PDZD8: variants seen among roughly 807,000 people sequenced by gnomAD.
PDZD8 encodes PDZ domain-containing protein 8.
A neutral mutation model predicts 85.8 loss-of-function variants in PDZD8; 14 were observed. The ratio of observed to expected loss-of-function variants is 0.16; its 90% CI spans 0.11 to 0.26. PDZD8 has a LOEUF of 0.26. Ranked by LOEUF, PDZD8 falls within the 10% of genes least tolerant of loss-of-function variation. The probability of loss-of-function intolerance (pLI) is 1.00; values close to 1 mark genes in which losing one functional copy is unlikely to be tolerated. For synonymous variants in PDZD8, 592 were observed against 568.6 expected, an observed-to-expected ratio of 1.04 and a Z score of -0.59; for missense variants, 1,197 against 1,424.3, an observed-to-expected ratio of 0.84 and a Z score of 2.57.
Position 117,374,227 on chromosome 10 carries a change from T to C in PDZD8, c.872+129A>G, listed in dbSNP as rs368410004. ...CGACTCGCCTTGATCTGGGGCCCTG[T>C]CCAGGGTGGGAAGGCCCCAGAAGCA... On this transcript the variant is annotated intron_variant, in intron 1 of 4. Transcript: ENST00000334464. This position sits in a 1 kb window ranked among gnomAD's most constrained non-coding sequence, Gnocchi z 7.8. 7.2e-7 allele frequency: 1 copy of C among 1,392,814 alleles called. No homozygotes were observed. The allele number at this position is 1,392,814 out of a possible 1,614,324, so 86.3% of individuals were successfully genotyped here. A position where few individuals can be genotyped will look rare whatever the true frequency, so the allele number is the denominator to read the frequency against.
At chr10:117,313,939 T>C (rs74159177) in intron 3 of PDZD8, among the ~76,000 whole-genome samples, 1 of 152,170 alleles carries the variant, frequency 6.6e-6, no homozygotes, top group African/African-American at 2.4e-5. Flanking sequence ...CCCCATACTT[T>C]CAGATCTCTC....
At chr10:117,371,692 T>C (rs1224437910) in intron 1 of PDZD8, among the ~76,000 whole-genome samples, 1 of 152,162 alleles carries the variant, frequency 6.6e-6, no homozygotes, top group Non-Finnish European at 1.5e-5. Context: ...CCCAGCACTT[T>C]GGGAGGCTGA....
Position 117,285,411 on chromosome 10 carries a change from A to G in PDZD8, c.1322T>C (p.Val441Ala). The G allele has an allele frequency of 6.2e-7, 1 of 1,613,066 alleles. No individual in the cohort carries two copies. The highest frequency in any genetic ancestry group is 8.5e-7 in the Non-Finnish European group (1 of 1,179,140). Residue 441 changes from valine (V) to alanine (A), a missense_variant, in exon 5 of 5, where the codon GTC (valine) becomes GCC (alanine). This residue lies in a region of PDZD8 where 344 missense variants were observed against 453.6 expected (regional missense o/e 0.76). Transcript: ENST00000334464. Reference sequence around the variant, plus strand: ...AACAGGCCTTTCATAGTACACCAGGACTCGGTCACCAGCCTGCTTGATAAG... The same window carrying G: ...AACAGGCCTTTCATAGTACACCAGGGCTCGGTCACCAGCCTGCTTGATAAG... The part of the protein sequence containing the change: ...LKLIKQAGDR[V>A]LVYYERPVGQ...
intron 2 of PDZD8, among the ~76,000 whole-genome samples, chr10:117,327,571 C>G (rs1844339377): frequency 1.3e-5 from 2 of 152,144 alleles, no homozygotes; most frequent in African/African-American, 4.8e-5. Flanking sequence ...TTCCACCTTA[C>G]CAAACCTACT....
intron 3 of PDZD8, among the ~76,000 whole-genome samples, chr10:117,294,327 C>CAAA (rs71013656): frequency 1.5e-3 from 215 of 142,516 alleles, no homozygotes; most frequent in African/African-American, 5.3e-3. Flanking sequence ...ACCAAAAAGA[C>CAAA]AAAAAAAAAA....
Position 117,344,477 on chromosome 10 carries a change from G to A in PDZD8, c.873-3375C>T, listed in dbSNP as rs371503226. ...ATCTCGGCTCACTGCAAGCTCTACCGCCTGGGTTCACGCCATTCTCCTGCC... is the reference window on the plus strand; with the variant it reads ...ATCTCGGCTCACTGCAAGCTCTACCACCTGGGTTCACGCCATTCTCCTGCC... On this transcript the variant is annotated intron_variant, in intron 1 of 4. Coordinates refer to ENST00000334464, the MANE Select transcript of PDZD8 (RefSeq NM_173791.5). Among the ~76,000 whole-genome samples the A allele has an allele frequency of 4.3e-4, 65 of 152,188 alleles. No individual in the cohort carries two copies. The East Asian group carries it at 6.6e-3, about 15-fold the overall frequency.
chr10:117,349,638 AC>A (rs1444961725), intron 1 of PDZD8, among the ~76,000 whole-genome samples: 1 of 152,080 alleles, frequency 6.6e-6, no homozygotes, highest in Admixed American at 6.5e-5. Flanking sequence ...CCCCATTTCT[AC>A]AAAAAATACA....
chr10:117,359,501 G>A (rs1411620218), intron 1 of PDZD8, among the ~76,000 whole-genome samples: 1 of 151,964 alleles, frequency 6.6e-6, no homozygotes, highest in Non-Finnish European at 1.5e-5. Flanking sequence ...CTTGAGGTCA[G>A]GAGTTTGAGA....
chr10:117,333,170 CAG>C (rs1210743724), intron 2 of PDZD8, among the ~76,000 whole-genome samples: 8 of 90,098 alleles, frequency 8.9e-5, no homozygotes, highest in African/African-American at 3.1e-4. Context: ...AATAAGATAA[CAG>C]AAAGACCGAG....
chr10:117,363,553 G>A (rs1179191644), intron 1 of PDZD8, among the ~76,000 whole-genome samples: 1 of 152,086 alleles, frequency 6.6e-6, no homozygotes, highest in African/African-American at 2.4e-5. Context: ...TTTCTAAAAA[G>A]TAGTTAGGTT....
intron 2 of PDZD8, among the ~76,000 whole-genome samples, chr10:117,326,792 C>T (rs141521629): frequency 0.011 from 1,600 of 152,276 alleles, 7 homozygotes; most frequent in Middle Eastern, 0.027. Flanking sequence ...TACCTACTAG[C>T]TGAACAGGGA....
chr10:117,322,187 T>C (rs1844237127), intron 2 of PDZD8, among the ~76,000 whole-genome samples: 1 of 152,086 alleles, frequency 6.6e-6, no homozygotes, highest in African/African-American at 2.4e-5. Context: ...ACAAACCAAA[T>C]AAGGGGCCCA....
At chr10:117,354,357 T>C (rs1180576055) in intron 1 of PDZD8, among the ~76,000 whole-genome samples, 1 of 152,232 alleles carries the variant, frequency 6.6e-6, no homozygotes, top group East Asian at 1.9e-4. Context: ...TGGCTTGTTA[T>C]AAGCACACAA....
At chr10:117,287,319 C>T (rs1359389949) in intron 4 of PDZD8, among the ~76,000 whole-genome samples, 5 of 152,144 alleles carry the variant, frequency 3.3e-5, no homozygotes, top group East Asian at 3.9e-4. Flanking sequence ...TTATATGCAA[C>T]TGTTACCAAA....
Position 117,278,737 on chromosome 10 carries a change from C to G in PDZD8, c.*4531G>C, listed in dbSNP as rs1367154343. Reference sequence around the variant, plus strand: ...CTTATTCTCTAGGAAAGTAACACTTCGTTTCATGAAGCTTTTCTGTGGGGC... The same window carrying G: ...CTTATTCTCTAGGAAAGTAACACTTGGTTTCATGAAGCTTTTCTGTGGGGC... On this transcript the variant is annotated 3_prime_UTR_variant, in exon 5 of 5. Transcript: ENST00000334464. 3 of 152,196 alleles carry G rather than the reference C, an allele frequency of 2.0e-5. No homozygotes were observed. The highest frequency in any genetic ancestry group is 4.8e-5 in the African/African-American group (2 of 41,460). 9.4% of individuals were successfully genotyped at this position (152,196 alleles called of 1,614,324 possible).
chr10:117,284,268 G>C lies in PDZD8; in HGVS notation c.2465C>G (p.Ser822Cys), dbSNP rs1844617845. Residue 822 changes from serine (S) to cysteine (C), a missense_variant, in exon 5 of 5, where the codon TCT becomes TGT. Ser to Cys is a moderately radical substitution (Grantham distance 112, BLOSUM62 -1). Transcript: ENST00000334464. ...EKEPHLVEEV[S>C]VLPKEEQFVG... Reference sequence around the variant, plus strand: ...AAATTGCTCCTCTTTAGGGAGAACAGAAACTTCTTCAACCAAATGGGGTTC... The same window carrying C: ...AAATTGCTCCTCTTTAGGGAGAACACAAACTTCTTCAACCAAATGGGGTTC... 5 of 1,614,134 alleles carry C rather than the reference G, an allele frequency of 3.1e-6. No individual in the cohort carries two copies. The East Asian group carries it at 1.1e-4, about 36-fold the overall frequency.
intron 3 of PDZD8, among the ~76,000 whole-genome samples, chr10:117,292,730 TTTC>T (rs1844791044): frequency 6.6e-6 from 1 of 151,788 alleles, no homozygotes; most frequent in African/African-American, 2.4e-5. Flanking sequence ...TCCCTTTGCT[TTTC>T]TTAATTCAAA....
intron 4 of PDZD8, chr10:117,285,690 TTACC>T: frequency 8.3e-7 from 1 of 1,210,366 alleles, no homozygotes; most frequent in Non-Finnish European, 1.0e-6. Flanking sequence ...CTGGAGATGT[TTACC>T]TTTTCAAACC....
intron 2 of PDZD8, among the ~76,000 whole-genome samples, chr10:117,319,418 C>T (rs1844188253): frequency 1.0e-5 from 1 of 97,350 alleles, no homozygotes; most frequent in African/African-American, 3.1e-5. Flanking sequence ...CACACACACA[C>T]ACACACACAC....
Sources: allele counts gnomAD v4.1 joint callset (sites outside exome capture counted in the v4.1 genomes callset), GRCh38; gene constraint gnomAD v4.1.1; regional missense constraint gnomAD v4.1.1; non-coding constraint Gnocchi (gnomAD v3.1); transcripts MANE v1.5; gene names NCBI Gene and HGNC (gene_info 2026-07-23, HGNC 2026-07-21).